The following STK3 variants were observed in gnomAD, a reference collection of about 807,000 sequenced individuals.
STK3 encodes serine/threonine-protein kinase 3.
STK3 carries 41 observed loss-of-function variants against 58.0 expected under a neutral mutation model. That is an observed-to-expected ratio of 0.71 (90% CI 0.55 to 0.92). The LOEUF is 0.92. STK3 is among the 40% of genes least tolerant of loss of function. STK3 has a pLI of 0.00. For missense variants in STK3, 479 were observed against 602.7 expected (o/e 0.79, Z 2.15); for synonymous variants, 170 against 191.0 (o/e 0.89, Z 0.91).
At chr8:98,425,914 C>T (rs551832241) in intron 3 of STK3, among the ~76,000 whole-genome samples, 12 of 152,332 alleles carry the variant, frequency 7.9e-5, no homozygotes, top group African/African-American at 2.6e-4. Flanking sequence ...GCTAAGCTCA[C>T]ACAACCACGG....
At chr8:98,409,152 C>A (rs1271054613) in intron 3 of STK3, among the ~76,000 whole-genome samples, 1 of 152,180 alleles carries the variant, frequency 6.6e-6, no homozygotes. Flanking sequence ...GCTGATGATG[C>A]CCCTTGGAGA....
At chr8:98,530,277 A>C (rs1223541479) in intron 9 of STK3, among the ~76,000 whole-genome samples, 1 of 152,050 alleles carries the variant, frequency 6.6e-6, no homozygotes, top group Non-Finnish European at 1.5e-5. Flanking sequence ...TAAGCCTAGT[A>C]CCCATTTGTT....
At chr8:98,588,705 T>C (rs1814926635) in intron 7 of STK3, among the ~76,000 whole-genome samples, 3 of 150,716 alleles carry the variant, frequency 2.0e-5, no homozygotes. Flanking sequence ...TCCAACTTGG[T>C]TCCATTCTCC....
intron 6 of STK3, among the ~76,000 whole-genome samples, chr8:98,611,455 A>G (rs1817190698): frequency 6.6e-6 from 1 of 152,204 alleles, no homozygotes; most frequent in African/African-American, 2.4e-5. Context: ...TTTTAGAAAG[A>G]AAAGAAATCT....
At chr8:98,733,114 C>A (rs1828327503) in intron 4 of STK3, among the ~76,000 whole-genome samples, 1 of 152,198 alleles carries the variant, frequency 6.6e-6, no homozygotes, top group Non-Finnish European at 1.5e-5. Context: ...CCAAGATGTT[C>A]TTTGCCCTCT....
At chr8:98,919,721 G>T (rs1437441948) in intron 1 of STK3, among the ~76,000 whole-genome samples, 1 of 152,166 alleles carries the variant, frequency 6.6e-6, no homozygotes, top group African/African-American at 2.4e-5. Flanking sequence ...AATGAGATGG[G>T]TACATGAGTG....
intron 1 of STK3, among the ~76,000 whole-genome samples, chr8:98,928,497 C>T (rs911373335): frequency 1.3e-5 from 2 of 152,146 alleles, no homozygotes; most frequent in African/African-American, 2.4e-5. Context: ...GTTAGTTAGT[C>T]CCTCAGGAAT....
intron 3 of STK3, among the ~76,000 whole-genome samples, chr8:98,843,738 C>T (rs906736207): frequency 1.2e-4 from 19 of 152,180 alleles, no homozygotes; most frequent in African/African-American, 4.3e-4. Flanking sequence ...GGATGGAAGC[C>T]GTGCCTGGTG....
At chr8:98,752,604 C>T (rs1810314961) in intron 3 of STK3, among the ~76,000 whole-genome samples, 1 of 151,882 alleles carries the variant, frequency 6.6e-6, no homozygotes, top group African/African-American at 2.4e-5. Flanking sequence ...CAAATGGGAT[C>T]TAGTAAAATC....
At chr8:98,390,996 T>C (rs2131012765), upstream of STK3, among the ~76,000 whole-genome samples, 1 of 152,360 alleles carries the variant, frequency 6.6e-6, no homozygotes, top group South Asian at 2.1e-4. Flanking sequence ...CTCTGAACTC[T>C]TTGTCAGATA....
At chr8:98,711,258 A>C (rs1211533632) in intron 4 of STK3, among the ~76,000 whole-genome samples, 1 of 152,240 alleles carries the variant, frequency 6.6e-6, no homozygotes, top group Non-Finnish European at 1.5e-5. Flanking sequence ...ACAGCTCCTC[A>C]CCAGCAATGG....
Position 98,736,143 on chromosome 8 carries a change from C to A in STK3, c.351+13133G>T, listed in dbSNP as rs140537941. On this transcript the variant is annotated intron_variant, in intron 4 of 10. Coordinates refer to ENST00000419617, the MANE Select transcript of STK3 (RefSeq NM_006281.4). ...CACAGTAAAAATAGCATTTATTGTGCTTTCTTTATGTAAGAGTGAATATGC... is the reference window on the plus strand; with the variant it reads ...CACAGTAAAAATAGCATTTATTGTGATTTCTTTATGTAAGAGTGAATATGC... Among the ~76,000 whole-genome samples the A allele has an allele frequency of 7.5e-3, 1,147 of 152,196 alleles. 7 individuals carry two copies. The highest frequency in any genetic ancestry group is 0.011 in the Non-Finnish European group (728 of 67,980).
chr8:98,520,537 T>G (rs887997301), intron 10 of STK3, among the ~76,000 whole-genome samples: 4 of 152,228 alleles, frequency 2.6e-5, no homozygotes, highest in African/African-American at 7.2e-5. Flanking sequence ...GACAATAAAG[T>G]GTTCTCTTTC....
intron 3 of STK3, among the ~76,000 whole-genome samples, chr8:98,754,630 C>T (rs1401915830): frequency 6.6e-6 from 1 of 152,064 alleles, no homozygotes; most frequent in Non-Finnish European, 1.5e-5. Context: ...GTGCCTCAAC[C>T]TCCCAAGTAG....
At chr8:98,597,665 A>G in intron 6 of STK3, 2 of 985,398 alleles carry the variant, frequency 2.0e-6, no homozygotes, top group Non-Finnish European at 2.4e-6. Context: ...AAACTAGGAC[A>G]TATGTTCTTC....
intron 6 of STK3, among the ~76,000 whole-genome samples, chr8:98,672,980 T>TAAA (rs879746468): frequency 1.3e-5 from 2 of 151,272 alleles, no homozygotes; most frequent in Non-Finnish European, 3.0e-5. Context: ...TGTGTTTCTT[T>TAAA]AAAAAAAAAT....
rs191023971 is a variant in STK3, at chr8:98,741,734, A to G, written c.351+7542T>C. Reference sequence around the variant, plus strand: ...TTCAAAAGCTAGCAGAAGGCAAGAAATAACTAAAATCGAACCAGAACTGAA... The same window carrying G: ...TTCAAAAGCTAGCAGAAGGCAAGAAGTAACTAAAATCGAACCAGAACTGAA... On this transcript the variant is annotated intron_variant, in intron 4 of 10. Coordinates refer to ENST00000419617, the MANE Select transcript of STK3 (RefSeq NM_006281.4). 5.3e-5 allele frequency among the ~76,000 whole-genome samples: 8 copies of G among 152,350 alleles called. No homozygotes were observed. In the East Asian group the frequency reaches 1.4e-3, roughly 26 times the overall value.
chr8:98,620,631 C>A (rs1350833894), intron 6 of STK3, among the ~76,000 whole-genome samples: 1 of 149,406 alleles, frequency 6.7e-6, no homozygotes. Context: ...ACTTGAAGAG[C>A]CTAGACAAAG....
Position 98,825,575 on chromosome 8 carries a change from G to A in STK3, c.-35C>T. 2.1e-6 allele frequency: 3 copies of A among 1,442,626 alleles called. No individual in the cohort carries two copies. The highest frequency in any genetic ancestry group is 1.3e-5 in the South Asian group (1 of 75,214). 89.4% of individuals were successfully genotyped at this position (1,442,626 alleles called of 1,614,324 possible). A position where few individuals can be genotyped will look rare whatever the true frequency, so the allele number is the denominator to read the frequency against. ...GGACAGAGAGAGGGACCTGGTGGAC[G>A]GCGAAGGCCGAAAGGAGGAAAGGAG... On this transcript the variant is annotated 5_prime_UTR_variant, in exon 1 of 11. Coordinates refer to ENST00000419617, the MANE Select transcript of STK3 (RefSeq NM_006281.4).
Sources: gnomAD v4.1 joint callset for allele counts (sites outside exome capture counted in the v4.1 genomes callset) on GRCh38, gnomAD v4.1.1 for gene constraint, MANE v1.5 for transcripts, NCBI Gene and HGNC (gene_info 2026-07-23, HGNC 2026-07-21) for gene names.